The following WWOX variants were observed in gnomAD, a reference collection of about 807,000 sequenced individuals.
WWOX encodes the protein WW domain-containing oxidoreductase.
In WWOX, 69 loss-of-function variants were observed where a neutral mutation model predicts 46.2. That is an observed-to-expected ratio of 1.49 (90% CI 1.23 to 1.82). The LOEUF is 1.82. Ranked by LOEUF, WWOX falls within the 40% of genes most tolerant of loss-of-function variation. The pLI is 0.00. For missense variants in WWOX, 919 were observed against 542.6 expected, an observed-to-expected ratio of 1.69 and a Z score of -6.89; for synonymous variants, 359 against 202.6, an observed-to-expected ratio of 1.77 and a Z score of -6.56.
At chr16:78,961,153 C>G (rs2046263630) in intron 8 of WWOX, among the ~76,000 whole-genome samples, 1 of 152,156 alleles carries the variant, frequency 6.6e-6, no homozygotes, top group African/African-American at 2.4e-5. Context: ...TGTTCCAGAT[C>G]ATAGTCTCCT....
intron 5 of WWOX, among the ~76,000 whole-genome samples, chr16:78,307,927 C>T (rs999667366): frequency 4.6e-5 from 7 of 152,188 alleles, no homozygotes; most frequent in African/African-American, 1.7e-4. Flanking sequence ...TGTGGTTAAG[C>T]ACCATGCCAT....
chr16:78,385,625 G>A (rs11150072), intron 5 of WWOX, among the ~76,000 whole-genome samples: 87,040 of 151,934 alleles, frequency 0.57, 25,662 homozygotes, highest in Non-Finnish European at 0.64. Context: ...TACGCTGAAC[G>A]TCTCAGCCCA....
chr16:78,391,169 C>T (rs566059124), intron 6 of WWOX, among the ~76,000 whole-genome samples: 4 of 152,288 alleles, frequency 2.6e-5, no homozygotes, highest in Middle Eastern at 3.4e-3. Context: ...TCCTGGATCT[C>T]TTCTTTTTAT....
At chr16:79,028,609 CT>C (rs1567498442) in intron 8 of WWOX, among the ~76,000 whole-genome samples, 2 of 151,202 alleles carry the variant, frequency 1.3e-5, no homozygotes, top group African/African-American at 4.9e-5. Context: ...TTTTCTGATA[CT>C]TTTTTCCTGA....
At chr16:79,108,720 A>T (rs372538035) in intron 8 of WWOX, among the ~76,000 whole-genome samples, 1 of 152,052 alleles carries the variant, frequency 6.6e-6, no homozygotes, top group Admixed American at 6.5e-5. Flanking sequence ...CGGGCAACAC[A>T]GTGAGACCCC....
At chr16:78,675,100 A>G (rs1424201098) in intron 8 of WWOX, among the ~76,000 whole-genome samples, 1 of 152,198 alleles carries the variant, frequency 6.6e-6, no homozygotes, top group Non-Finnish European at 1.5e-5. Context: ...CGCTGTGCTG[A>G]ATGTTTACAT....
chr16:78,527,613 A>G (rs2043507895), intron 8 of WWOX, among the ~76,000 whole-genome samples: 2 of 152,124 alleles, frequency 1.3e-5, no homozygotes, highest in Admixed American at 6.5e-5. Flanking sequence ...TCTCTTAATG[A>G]GTTTAACTAC....
intron 8 of WWOX, among the ~76,000 whole-genome samples, chr16:78,540,020 T>TCACACACACACACACA (rs71140810): frequency 3.0e-5 from 4 of 132,922 alleles, no homozygotes; most frequent in African/African-American, 1.2e-4. Context: ...TCTCTCTCTC[T>TCACACACACACACACA]CACACACACA....
intron 8 of WWOX, among the ~76,000 whole-genome samples, chr16:78,767,162 C>A (rs2049943124): frequency 6.7e-6 from 1 of 150,134 alleles, no homozygotes; most frequent in Non-Finnish European, 1.5e-5. Flanking sequence ...ACTCTGTTGC[C>A]CAGGCTGGGG....
At position 78,665,450 on chromosome 16, in the gene WWOX, C is replaced by T. The variant is rs138162067; in HGVS notation, c.1056+232698C>T. On this transcript the variant is annotated intron_variant, in intron 8 of 8. Coordinates refer to ENST00000566780, the MANE Select transcript of WWOX (RefSeq NM_016373.4). ...TCTCCATCTGGGCACATGGGAAGGC[C>T]GTACTTTCCTGACATGTGATTTGCT... is the stretch of plus-strand genomic sequence containing the variant. Among the ~76,000 whole-genome samples, 46 of 152,152 alleles carry T rather than the reference C, an allele frequency of 3.0e-4. No homozygotes were observed. In the East Asian group the frequency reaches 7.5e-3, roughly 25 times the overall value.
chr16:78,608,139 C>CAG (rs900435001), intron 8 of WWOX, among the ~76,000 whole-genome samples: 7 of 152,126 alleles, frequency 4.6e-5, no homozygotes, highest in Non-Finnish European at 7.4e-5. Flanking sequence ...GCCTGAAACC[C>CAG]AGAGAGGTCG....
At chr16:78,481,724 A>AGT (rs67780639) in intron 8 of WWOX, among the ~76,000 whole-genome samples, 20,451 of 136,760 alleles carry the variant, frequency 0.15, 1,765 homozygotes, top group East Asian at 0.27. Context: ...GGGCAAGGGA[A>AGT]GTGTGTGTGT....
chr16:78,835,897 G>T (rs1025890389), intron 8 of WWOX, among the ~76,000 whole-genome samples: 4 of 152,138 alleles, frequency 2.6e-5, no homozygotes, highest in Admixed American at 1.3e-4. Flanking sequence ...TACGTAAACA[G>T]AGCTCTGAGT....
chr16:78,582,359 C>G (rs532427237), intron 8 of WWOX, among the ~76,000 whole-genome samples: 6 of 152,132 alleles, frequency 3.9e-5, no homozygotes, highest in Non-Finnish European at 8.8e-5. Flanking sequence ...TTAATTTAGA[C>G]AAGAATGTGG....
chr16:78,784,413 C>A (rs1380295474), intron 8 of WWOX, among the ~76,000 whole-genome samples: 1 of 151,866 alleles, frequency 6.6e-6, no homozygotes, highest in African/African-American at 2.4e-5. Flanking sequence ...TTTTTCTCCA[C>A]CCAGGAGCCC....
intron 5 of WWOX, among the ~76,000 whole-genome samples, chr16:78,198,082 G>C (rs889420): frequency 6.6e-6 from 1 of 151,996 alleles, no homozygotes; most frequent in Non-Finnish European, 1.5e-5. Flanking sequence ...TCCTGGTAGC[G>C]GTTGGTAAGC....
chr16:78,125,145 A>G (rs1001493111), intron 4 of WWOX, among the ~76,000 whole-genome samples: 2 of 152,196 alleles, frequency 1.3e-5, no homozygotes, highest in African/African-American at 2.4e-5. Flanking sequence ...GTTGTATTAC[A>G]TTGATAGCCG....
intron 8 of WWOX, among the ~76,000 whole-genome samples, chr16:78,617,156 A>G (rs905360441): frequency 6.6e-6 from 1 of 152,144 alleles, no homozygotes; most frequent in Non-Finnish European, 1.5e-5. Context: ...TCACGCCTGT[A>G]ATCCCAGCAC....
chr16:78,983,265 A>G lies in WWOX; in HGVS notation c.1057-228343A>G, dbSNP rs143312892. 5.4e-3 allele frequency among the ~76,000 whole-genome samples: 829 copies of G among 152,336 alleles called. 7 individuals are homozygous for G. The highest frequency in any genetic ancestry group is 0.019 in the African/African-American group (782 of 41,578). On this transcript the variant is annotated intron_variant, in intron 8 of 8. Transcript: ENST00000566780. ...ATGAATGGGAAAACCTAAGCTGAAGAAAGGAAGTGTCTGGCCAAGAAGCTG... is the reference window on the plus strand; with the variant it reads ...ATGAATGGGAAAACCTAAGCTGAAGGAAGGAAGTGTCTGGCCAAGAAGCTG...
Sources: gnomAD v4.1 joint callset for allele counts (sites outside exome capture counted in the v4.1 genomes callset) on GRCh38, gnomAD v4.1.1 for gene constraint, MANE v1.5 for transcripts, NCBI Gene and HGNC (gene_info 2026-07-23, HGNC 2026-07-21) for gene names.